Variants in PCDHGA7 observed in about 807,000 individuals in gnomAD.
The protein encoded by PCDHGA7 is protocadherin gamma-A7.
In PCDHGA7, 44 loss-of-function variants were observed where a neutral mutation model predicts 58.3. That is an observed-to-expected ratio of 0.75 (90% confidence interval 0.59 to 0.97). The LOEUF is 0.97. Ranked by LOEUF, PCDHGA7 falls within the 50% of genes least tolerant of loss-of-function variation. The pLI, the probability that PCDHGA7 is intolerant of heterozygous loss-of-function variation, is 0.00. For missense variants in PCDHGA7, 1,266 were observed against 1,188.7 expected, an observed-to-expected ratio of 1.06 and a Z score of -0.96; for synonymous variants, 516 against 504.2, an observed-to-expected ratio of 1.02 and a Z score of -0.31.
chr5:141,423,605 T>G lies in PCDHGA7; in HGVS notation c.2424+38282T>G. The G allele has an allele frequency of 1.6e-5, 26 of 1,612,620 alleles. No individual in the cohort carries two copies. Among genetic ancestry groups the G allele is most frequent in the Non-Finnish European group, 2.0e-5 (24 of 1,179,120 alleles). On this transcript the variant is annotated intron_variant, in intron 1 of 3. Transcript: ENST00000518325. Reference sequence around the variant, plus strand: ...AGCTGTGAGAAAAGCGAGCCACTCTTGATAGCTGAAGACTCAGCTATCATT... The same window carrying G: ...AGCTGTGAGAAAAGCGAGCCACTCTGGATAGCTGAAGACTCAGCTATCATT...
At position 141,505,479 on chromosome 5, in the gene PCDHGA7, G is replaced by A; in HGVS notation, c.2570G>A (p.Ser857Asn). 1 of 1,614,228 alleles carries A rather than the reference G, an allele frequency of 6.2e-7. No homozygotes were observed. The highest frequency in any genetic ancestry group is 8.5e-7 in the Non-Finnish European group (1 of 1,180,018). Residue 857 changes from serine to asparagine, a missense_variant and splice_region_variant, in exon 3 of 4, where the codon AGT (serine) becomes AAT (asparagine). Ser to Asn is a conservative substitution (Grantham distance 46, BLOSUM62 1). Coordinates refer to ENST00000518325, the MANE Select transcript of PCDHGA7 (RefSeq NM_018920.4). Reference sequence around the variant, plus strand: ...CAAGCCATGATCTTGGCGTCCGCCAGTGGTAAGTGGTGTCAGTGTGTGTAT... The same window carrying A: ...CAAGCCATGATCTTGGCGTCCGCCAATGGTAAGTGGTGTCAGTGTGTGTAT... Reference protein sequence around the residue: ...MLQAMILASASEAADGSSTLG... With the variant: ...MLQAMILASANEAADGSSTLG...
chr5:141,415,455 G>A (rs571718366), intron 1 of PCDHGA7: 2 of 1,614,186 alleles, frequency 1.2e-6, no homozygotes, highest in African/African-American at 1.3e-5. Context: ...ATTCCCACGA[G>A]GTCTCTCTCA....
Position 141,511,590 on chromosome 5 carries a change from A to C in PCDHGA7, c.*417A>C, listed in dbSNP as rs2099883868. On this transcript the variant is annotated 3_prime_UTR_variant, in exon 4 of 4. Transcript: ENST00000518325. ...AGTAAGGTGGTTGGGGTGTTGAAGT[A>C]CCAAGTAACCTACAAGCCTCCTAGT... The C allele has an allele frequency of 3.7e-6, 1 of 267,790 alleles. No homozygotes were observed. Among genetic ancestry groups the C allele is most frequent in the Admixed American group, 4.8e-5 (1 of 20,946 alleles). The allele number at this position is 267,790 out of a possible 1,614,324, so 16.6% of individuals were successfully genotyped here.
intron 1 of PCDHGA7, chr5:141,404,726 G>A (rs772532099): frequency 6.2e-7 from 1 of 1,614,094 alleles, no homozygotes; most frequent in Admixed American, 1.7e-5. Context: ...GACCAAGGTG[G>A]TGGCAGTGGA....
At chr5:141,478,840 A>G (rs2099480064) in intron 1 of PCDHGA7, 1 of 1,410,466 alleles carries the variant, frequency 7.1e-7, no homozygotes, top group Non-Finnish European at 9.3e-7. Context: ...AGGGATGGTT[A>G]AGCTAAAACA....
In PCDHGA7 at chr5:141,485,027, G is replaced by A. The variant is rs1594439784; in HGVS notation, c.2425-9780G>A. ...AATCTACCCCGCCACCAGCAAAAAC[G>A]GCGCGTAACCCTTGCGGCGCCGGCC... is the stretch of plus-strand genomic sequence containing the variant. On this transcript the variant is annotated intron_variant, in intron 1 of 3. Coordinates refer to ENST00000518325, the MANE Select transcript of PCDHGA7 (RefSeq NM_018920.4). The surrounding 1 kb of genome is among the most constrained non-coding windows in gnomAD (Gnocchi z 5.7). 1.5e-6 allele frequency: 1 copy of A among 662,546 alleles called. No individual in the cohort carries two copies. Among genetic ancestry groups the A allele is most frequent in the South Asian group, 1.9e-5 (1 of 53,596 alleles). The allele number at this position is 662,546 out of a possible 1,614,324, so 41.0% of individuals were successfully genotyped here.
At position 141,477,263 on chromosome 5, in the gene PCDHGA7, G is replaced by C. The variant is rs543767777; in HGVS notation, c.2425-17544G>C. ...CAGTGTGACTGACCTGGATGCTGGC[G>C]AGAACGGGCTGGTGACCTGCGAAGT... On this transcript the variant is annotated intron_variant, in intron 1 of 3. Coordinates refer to ENST00000518325, the MANE Select transcript of PCDHGA7 (RefSeq NM_018920.4). The surrounding 1 kb of genome is among the most constrained non-coding windows in gnomAD (Gnocchi z 4.9). The C allele has an allele frequency of 6.2e-7, 1 of 1,614,192 alleles. No individual in the cohort carries two copies. The highest frequency in any genetic ancestry group is 1.3e-5 in the African/African-American group (1 of 75,058).
intron 1 of PCDHGA7, chr5:141,394,883 A>G (rs370442493): frequency 1.2e-6 from 2 of 1,611,604 alleles, no homozygotes; most frequent in African/African-American, 2.7e-5. Context: ...CGAGCCTTAC[A>G]CTCTATCTCG....
chr5:141,437,058 T>C (rs539776847), intron 1 of PCDHGA7, among the ~76,000 whole-genome samples: 2 of 152,246 alleles, frequency 1.3e-5, no homozygotes, highest in Non-Finnish European at 2.9e-5. Context: ...CTGGTGATCA[T>C]TATTTGGTTT....
chr5:141,399,412 T>C (rs1473017519), intron 1 of PCDHGA7: 3 of 1,613,948 alleles, frequency 1.9e-6, no homozygotes, highest in East Asian at 4.5e-5. Context: ...GCCGCCCCTC[T>C]CCTCCAGCAT....
At chr5:141,414,520 A>G in intron 1 of PCDHGA7, 1 of 1,613,990 alleles carries the variant, frequency 6.2e-7, no homozygotes, top group Non-Finnish European at 8.5e-7. Flanking sequence ...AGTGGCAGAT[A>G]TCAATGACAA....
chr5:141,423,513 G>C, intron 1 of PCDHGA7: 3 of 1,613,750 alleles, frequency 1.9e-6, no homozygotes, highest in Non-Finnish European at 1.7e-6. Flanking sequence ...CTCTCATTGC[G>C]GACTCGCAGA....
rs1173306822 is a variant in PCDHGA7, at chr5:141,431,115, T to G, written c.2424+45792T>G. The G allele has an allele frequency of 6.2e-7, 1 of 1,613,608 alleles. No homozygotes were observed. Among genetic ancestry groups the G allele is most frequent in the East Asian group, 2.2e-5 (1 of 44,840 alleles). ...GAGGATAAAGTGAAAATATATGGAG[T>G]AGAAGTAGAAGTAAGGGACATTAAC... On this transcript the variant is annotated intron_variant, in intron 1 of 3. Transcript: ENST00000518325. This position sits in a 1 kb window ranked among gnomAD's most constrained non-coding sequence, Gnocchi z 4.8.
intron 1 of PCDHGA7, chr5:141,388,223 A>G: frequency 6.2e-7 from 1 of 1,602,840 alleles, no homozygotes; most frequent in Non-Finnish European, 8.5e-7. Context: ...CTGAAAATCC[A>G]CTGAACTTTT....
At chr5:141,413,195 G>T (rs771456948) in intron 1 of PCDHGA7, 1 of 1,610,846 alleles carries the variant, frequency 6.2e-7, no homozygotes, top group South Asian at 1.1e-5. Context: ...CAAAGGAATC[G>T]CTCAAAGGAA....
chr5:141,421,842 A>G (rs1209505923), intron 1 of PCDHGA7: 1 of 1,613,744 alleles, frequency 6.2e-7, no homozygotes, highest in Non-Finnish European at 8.5e-7. Context: ...ACCGAGAGAA[A>G]GAGGCTGCTC....
At chr5:141,506,597 C>T (rs937487600) in intron 3 of PCDHGA7, among the ~76,000 whole-genome samples, 4 of 152,150 alleles carry the variant, frequency 2.6e-5, no homozygotes, top group Admixed American at 6.5e-5. Context: ...ACAGTATTAA[C>T]GGATCTCATT....
At chr5:141,421,960 C>G in intron 1 of PCDHGA7, 3 of 1,612,526 alleles carry the variant, frequency 1.9e-6, no homozygotes, top group Non-Finnish European at 2.5e-6. Context: ...AATGTTTACA[C>G]AGTCCGTATA....
chr5:141,417,211 T>C (rs1027777607), intron 1 of PCDHGA7: 1 of 152,174 alleles, frequency 6.6e-6, no homozygotes, highest in Admixed American at 6.5e-5. Context: ...TAGGCTAGAA[T>C]TGAAGACAAA....
Sources: gnomAD v4.1 joint callset for allele counts (sites outside exome capture counted in the v4.1 genomes callset) on GRCh38, gnomAD v4.1.1 for gene constraint, Gnocchi (gnomAD v3.1) non-coding constraint, MANE v1.5 for transcripts, NCBI Gene and HGNC (gene_info 2026-07-23, HGNC 2026-07-21) for gene names.